ZNF385B: variants seen among roughly 807,000 people sequenced by gnomAD.
ZNF385B encodes zinc finger protein 533.
In ZNF385B, 23 loss-of-function variants were observed where a neutral mutation model predicts 39.2. The ratio of observed to expected loss-of-function variants is 0.59; its 90% confidence interval spans 0.42 to 0.83. The LOEUF is 0.83. ZNF385B is among the 40% of genes least tolerant of loss of function. The pLI is 0.00. For missense variants in ZNF385B, 552 were observed against 598.9 expected (o/e 0.92, Z 0.82); for synonymous variants, 205 against 222.6 (o/e 0.92, Z 0.70).
At chr2:179,817,665 CTGTGTGTG>C (rs3085981) in intron 1 of ZNF385B, among the ~76,000 whole-genome samples, 18 of 149,538 alleles carry the variant, frequency 1.2e-4, no homozygotes, top group Non-Finnish European at 2.4e-4. Flanking sequence ...GTGTAACCCT[CTGTGTGTG>C]TGTGTGTGTG....
intron 3 of ZNF385B, among the ~76,000 whole-genome samples, chr2:179,598,351 TG>T (rs1170932295): frequency 6.6e-6 from 1 of 152,128 alleles, no homozygotes; most frequent in Non-Finnish European, 1.5e-5. Flanking sequence ...CTATCTTGAA[TG>T]GGGTATGGAC....
At chr2:179,719,252 A>G (rs547868636) in intron 3 of ZNF385B, among the ~76,000 whole-genome samples, 10 of 152,218 alleles carry the variant, frequency 6.6e-5, no homozygotes, top group African/African-American at 2.2e-4. Context: ...ATTTAAGATG[A>G]CCATTCCTAT....
At chr2:179,845,085 T>C (rs1391587141) in intron 1 of ZNF385B, among the ~76,000 whole-genome samples, 1 of 152,098 alleles carries the variant, frequency 6.6e-6, no homozygotes, top group African/African-American at 2.4e-5. Flanking sequence ...ATTATCTCAA[T>C]CCAGAAACTA....
At chr2:179,479,409 T>C (rs1193403518) in intron 6 of ZNF385B, among the ~76,000 whole-genome samples, 1 of 152,146 alleles carries the variant, frequency 6.6e-6, no homozygotes, top group Non-Finnish European at 1.5e-5. Context: ...ATGAACCAAA[T>C]TATGTCTCCA....
At chr2:179,668,727 C>T (rs1374661015) in intron 3 of ZNF385B, among the ~76,000 whole-genome samples, 4 of 150,880 alleles carry the variant, frequency 2.7e-5, no homozygotes, top group African/African-American at 9.8e-5. Flanking sequence ...AAAAAAGGGA[C>T]AATTTTAATT....
At chr2:179,443,783 G>A (rs111391719) in intron 9 of ZNF385B, among the ~76,000 whole-genome samples, 1,721 of 152,272 alleles carry the variant, frequency 0.011, 33 homozygotes, top group African/African-American at 0.038. Context: ...CTTAGATGAT[G>A]AAGTTCAATG....
chr2:179,835,378 G>A (rs1240314024), intron 1 of ZNF385B, among the ~76,000 whole-genome samples: 1 of 152,126 alleles, frequency 6.6e-6, no homozygotes, highest in Admixed American at 6.5e-5. Context: ...AAACCCTTGA[G>A]GTAATAGGAC....
At chr2:179,571,800 C>T (rs1472999520) in intron 3 of ZNF385B, among the ~76,000 whole-genome samples, 1 of 152,030 alleles carries the variant, frequency 6.6e-6, no homozygotes, top group African/African-American at 2.4e-5. Flanking sequence ...TGTAGTAGGG[C>T]TCTTAGACAC....
chr2:179,477,930 G>A (rs140887449), intron 6 of ZNF385B, among the ~76,000 whole-genome samples: 1 of 152,288 alleles, frequency 6.6e-6, no homozygotes, highest in African/African-American at 2.4e-5. Flanking sequence ...AAAACGGTCA[G>A]CAAGAAATTT....
At chr2:179,453,046 A>C (rs2050314360) in intron 6 of ZNF385B, among the ~76,000 whole-genome samples, 1 of 152,228 alleles carries the variant, frequency 6.6e-6, no homozygotes, top group South Asian at 2.1e-4. Flanking sequence ...ATGAATATAC[A>C]GAAACATACT....
intron 4 of ZNF385B, among the ~76,000 whole-genome samples, chr2:179,529,847 G>A (rs6433795): frequency 0.013 from 1,981 of 152,166 alleles, 45 homozygotes; most frequent in African/African-American, 0.045. Flanking sequence ...GAACAAAACT[G>A]GTTATAGTAT....
intron 1 of ZNF385B, among the ~76,000 whole-genome samples, chr2:179,806,853 A>C (rs1706381929): frequency 2.0e-5 from 3 of 152,214 alleles, no homozygotes; most frequent in Non-Finnish European, 4.4e-5. Flanking sequence ...CAATCTGACT[A>C]GTAATCAGGG....
At chr2:179,510,778 G>A (rs2057619437) in intron 5 of ZNF385B, among the ~76,000 whole-genome samples, 1 of 152,108 alleles carries the variant, frequency 6.6e-6, no homozygotes, top group Non-Finnish European at 1.5e-5. Context: ...GAGAAGAGTT[G>A]GAGGAGAGAG....
At chr2:179,452,982 A>T (rs1377123339) in intron 6 of ZNF385B, among the ~76,000 whole-genome samples, 1 of 152,172 alleles carries the variant, frequency 6.6e-6, no homozygotes, top group Admixed American at 6.6e-5. Context: ...TTGAACTAGC[A>T]TTATGATATT....
intron 3 of ZNF385B, among the ~76,000 whole-genome samples, chr2:179,622,574 T>G (rs1358986245): frequency 1.3e-5 from 2 of 152,238 alleles, no homozygotes; most frequent in Non-Finnish European, 2.9e-5. Context: ...TTACTTAGGT[T>G]CCAGCTATGT....
intron 4 of ZNF385B, among the ~76,000 whole-genome samples, chr2:179,534,005 A>G (rs1477798710): frequency 3.9e-5 from 6 of 152,156 alleles, no homozygotes; most frequent in Non-Finnish European, 8.8e-5. Flanking sequence ...ACCTCCACTT[A>G]ATATATTCTC....
chr2:179,793,142 G>A (rs1705449588), intron 1 of ZNF385B, among the ~76,000 whole-genome samples: 1 of 152,132 alleles, frequency 6.6e-6, no homozygotes, highest in Admixed American at 6.6e-5. Context: ...TGCATATGAG[G>A]AGAAAAATTC....
At chr2:179,817,915 T>C (rs1298935463) in intron 1 of ZNF385B, among the ~76,000 whole-genome samples, 1 of 152,186 alleles carries the variant, frequency 6.6e-6, no homozygotes, top group Admixed American at 6.6e-5. Context: ...CACTGTTGGC[T>C]ACACAAACTT....
intron 1 of ZNF385B, among the ~76,000 whole-genome samples, chr2:179,822,129 T>C (rs1443083859): frequency 1.3e-5 from 2 of 152,242 alleles, no homozygotes; most frequent in African/African-American, 4.8e-5. Context: ...AATAGGTTCC[T>C]AAAATACAAA....
Sources: allele counts gnomAD v4.1 joint callset (sites outside exome capture counted in the v4.1 genomes callset), GRCh38; gene constraint gnomAD v4.1.1; transcripts MANE v1.5; gene names NCBI Gene and HGNC (gene_info 2026-07-23, HGNC 2026-07-21).